Variants in CAMK2D observed in about 807,000 individuals in gnomAD.
CAMK2D encodes the protein calcium/calmodulin dependent protein kinase II delta, also known as calcium/calmodulin-dependent protein kinase type II subunit delta.
Under a neutral mutation model 84.0 loss-of-function variants are expected in CAMK2D, and 37 were observed. The observed-to-expected ratio is 0.44, with a 90% CI of 0.34 to 0.58. The LOEUF (loss-of-function observed/expected upper bound fraction) is 0.58, where lower values mean the gene tolerates loss of function less well. CAMK2D is among the 20% of genes least tolerant of loss of function. The pLI, the probability that CAMK2D is intolerant of heterozygous loss-of-function variation, is 0.02. For synonymous variants in CAMK2D, 202 were observed against 212.5 expected (o/e 0.95, Z 0.43); for missense variants, 448 against 652.5 (o/e 0.69, Z 3.41).
At chr4:113,549,227 T>C (rs1281577207) in intron 5 of CAMK2D, among the ~76,000 whole-genome samples, 1 of 152,134 alleles carries the variant, frequency 6.6e-6, no homozygotes, top group Non-Finnish European at 1.5e-5. Flanking sequence ...AGGGACACAT[T>C]TACCATTTCG....
intron 2 of CAMK2D, among the ~76,000 whole-genome samples, chr4:113,696,201 C>CACACAG: frequency 9.1e-6 from 1 of 110,278 alleles, no homozygotes; most frequent in East Asian, 2.2e-4. Context: ...CACAGACACA[C>CACACAG]ACACACACAC....
Position 113,491,964 on chromosome 4 carries a change from A to T in CAMK2D, c.1135+8499T>A, listed in dbSNP as rs1351460930. 1.7e-4 allele frequency among the ~76,000 whole-genome samples: 26 copies of T among 152,152 alleles called. No individual in the cohort carries two copies. In the East Asian group the frequency reaches 4.8e-3, roughly 28 times the overall value. ...GTAGTATTCTCTGATGGTAGTTTCTATTTCTGTGGGATCGGTGGTGATATC... is the reference window on the plus strand; with the variant it reads ...GTAGTATTCTCTGATGGTAGTTTCTTTTTCTGTGGGATCGGTGGTGATATC... On this transcript the variant is annotated intron_variant, in intron 16 of 20. Coordinates refer to ENST00000511664, the MANE Select transcript of CAMK2D (RefSeq NM_001321571.2).
chr4:113,726,259 T>C (rs2099545442), intron 2 of CAMK2D, among the ~76,000 whole-genome samples: 1 of 152,154 alleles, frequency 6.6e-6, no homozygotes, highest in Non-Finnish European at 1.5e-5. Flanking sequence ...CAAAAGCTTT[T>C]ACTCTCATTA....
At chr4:113,759,261 A>C in intron 2 of CAMK2D, 59 bp downstream of exon 2, 1 of 1,009,194 alleles carries the variant, frequency 9.9e-7, no homozygotes, top group Non-Finnish European at 1.6e-6. Flanking sequence ...ATACAACAGA[A>C]CCTATAATCA....
At chr4:113,648,813 A>G (rs766665017) in intron 3 of CAMK2D, among the ~76,000 whole-genome samples, 8 of 152,168 alleles carry the variant, frequency 5.3e-5, no homozygotes, top group Non-Finnish European at 1.2e-4. Context: ...TAAGAAGCTT[A>G]TATCTTCTGC....
In CAMK2D at chr4:113,693,694, A is replaced by T. The variant is rs189284164; in HGVS notation, c.161-31922T>A. Among the ~76,000 whole-genome samples, 490 of 152,332 alleles carry T rather than the reference A, an allele frequency of 3.2e-3. 3 individuals are homozygous for T. Among genetic ancestry groups the T allele is most frequent in the Middle Eastern group, 6.8e-3 (2 of 294 alleles). ...TAATAACTTAAAAGATCTGCTGTGA[A>T]ATCTGAGGACAGATATGGCTATCAC... On this transcript the variant is annotated intron_variant, in intron 2 of 20. Coordinates refer to ENST00000511664, the MANE Select transcript of CAMK2D (RefSeq NM_001321571.2).
intron 4 of CAMK2D, among the ~76,000 whole-genome samples, chr4:113,598,405 T>C (rs562767104): frequency 3.8e-4 from 58 of 152,328 alleles, no homozygotes; most frequent in Admixed American, 6.5e-4. Context: ...CACACACCTA[T>C]GTTTTATGTA....
chr4:113,459,103 C>T (rs1432057626), intron 18 of CAMK2D, among the ~76,000 whole-genome samples: 2 of 152,160 alleles, frequency 1.3e-5, no homozygotes, highest in Non-Finnish European at 2.9e-5. Context: ...GATTACTCAC[C>T]TTCATTTTCA....
At position 113,724,099 on chromosome 4, in the gene CAMK2D, T is replaced by G. The variant is rs17636426; in HGVS notation, c.160+35221A>C. Among the ~76,000 whole-genome samples the G allele has an allele frequency of 0.015, 2,249 of 152,224 alleles. 92 individuals carry two copies. The East Asian group carries it at 0.15, about 10-fold the overall frequency. ...ATTTGCTCTTATTTTGGATTCTGTGTTTATTCATGTGAACTGTTAATATTT... is the reference window on the plus strand; with the variant it reads ...ATTTGCTCTTATTTTGGATTCTGTGGTTATTCATGTGAACTGTTAATATTT... On this transcript the variant is annotated intron_variant, in intron 2 of 20. Transcript: ENST00000511664.
chr4:113,676,200 A>G (rs2099317648), intron 2 of CAMK2D, among the ~76,000 whole-genome samples: 2 of 152,180 alleles, frequency 1.3e-5, no homozygotes, highest in Admixed American at 1.3e-4. Flanking sequence ...GGGCTATTTC[A>G]ACAGACACAA....
At chr4:113,482,542 A>G (rs2097713306) in intron 16 of CAMK2D, among the ~76,000 whole-genome samples, 1 of 152,262 alleles carries the variant, frequency 6.6e-6, no homozygotes, top group Non-Finnish European at 1.5e-5. Flanking sequence ...AGTAGTGCAG[A>G]CTGCACTGAT....
At chr4:113,722,244 G>C (rs926396302) in intron 2 of CAMK2D, among the ~76,000 whole-genome samples, 1 of 152,102 alleles carries the variant, frequency 6.6e-6, no homozygotes, top group Non-Finnish European at 1.5e-5. Flanking sequence ...CAACTTATTT[G>C]TCTTCATGAT....
intron 17 of CAMK2D, 89 bp from the exon 18 acceptor site, chr4:113,460,330 C>T (rs1425989931): frequency 1.0e-5 from 8 of 803,622 alleles, no homozygotes; most frequent in South Asian, 8.9e-5. Flanking sequence ...ATTTACCAGT[C>T]ACTGAAGGAA....
At chr4:113,721,601 G>A (rs945869587) in intron 2 of CAMK2D, among the ~76,000 whole-genome samples, 3 of 152,130 alleles carry the variant, frequency 2.0e-5, no homozygotes, top group South Asian at 4.1e-4. Context: ...TCCATGGTTG[G>A]TATAAATTTT....
intron 8 of CAMK2D, among the ~76,000 whole-genome samples, chr4:113,521,481 G>A (rs2098357804): frequency 6.6e-6 from 1 of 152,182 alleles, no homozygotes; most frequent in South Asian, 2.1e-4. Context: ...ATTACAGAAA[G>A]TTCTGGTTCC....
chr4:113,509,434 A>G (rs1344782727), intron 13 of CAMK2D, among the ~76,000 whole-genome samples: 1 of 152,228 alleles, frequency 6.6e-6, no homozygotes, highest in Non-Finnish European at 1.5e-5. Flanking sequence ...TATTTCATAT[A>G]TAATCCAACA....
At chr4:113,571,620 T>G (rs2098753881) in intron 4 of CAMK2D, among the ~76,000 whole-genome samples, 1 of 152,184 alleles carries the variant, frequency 6.6e-6, no homozygotes, top group Admixed American at 6.5e-5. Context: ...ACGCCTGTAA[T>G]CCCAGCACTT....
chr4:113,660,826 G>C (rs2099227299), intron 3 of CAMK2D, among the ~76,000 whole-genome samples: 1 of 135,494 alleles, frequency 7.4e-6, no homozygotes, highest in East Asian at 2.1e-4. Context: ...ACAGAGTCTC[G>C]CTCTCTCGTC....
chr4:113,699,197 G>A (rs2154346733), intron 2 of CAMK2D, among the ~76,000 whole-genome samples: 1 of 151,932 alleles, frequency 6.6e-6, no homozygotes. Flanking sequence ...ATCTGGGGAT[G>A]GTATATCTCT....
Sources: allele counts gnomAD v4.1 joint callset (sites outside exome capture counted in the v4.1 genomes callset), GRCh38; gene constraint gnomAD v4.1.1; transcripts MANE v1.5; gene names NCBI Gene and HGNC (gene_info 2026-07-23, HGNC 2026-07-21).